The following DIPK1A variants were observed in gnomAD, a reference collection of about 807,000 sequenced individuals.
DIPK1A encodes the protein family with sequence similarity 69 member A.
DIPK1A carries 27 observed loss-of-function variants against 40.8 expected under a neutral mutation model. That is an observed-to-expected ratio of 0.66 (90% CI 0.49 to 0.91). The LOEUF is 0.91. DIPK1A is among the 40% of genes least tolerant of loss of function. DIPK1A has a pLI of 0.00. For synonymous variants in DIPK1A, 166 were observed against 171.3 expected, an observed-to-expected ratio of 0.97 and a Z score of 0.24; for missense variants, 412 against 505.7, an observed-to-expected ratio of 0.81 and a Z score of 1.78.
In DIPK1A at chr1:92,842,479, A is replaced by G. The variant is rs1303797571; in HGVS notation, c.*904T>C. The G allele has an allele frequency of 6.5e-6, 6 of 917,204 alleles. No individual in the cohort carries two copies. Among genetic ancestry groups the G allele is most frequent in the Non-Finnish European group, 7.6e-6 (6 of 793,200 alleles). 56.8% of individuals were successfully genotyped at this position (917,204 alleles called of 1,614,324 possible). A position where few individuals can be genotyped will look rare whatever the true frequency, so the allele number is the denominator to read the frequency against. On this transcript the variant is annotated 3_prime_UTR_variant, in exon 5 of 5. Coordinates refer to ENST00000370310, the MANE Select transcript of DIPK1A (RefSeq NM_001006605.5). ...CCTTGTATATCAAGTTTACATGGGG[A>G]AAAAAACATTAGATAAATAAATACA... is the stretch of plus-strand genomic sequence containing the variant.
At chr1:92,889,023 T>G (rs1262040803) in intron 1 of DIPK1A, among the ~76,000 whole-genome samples, 1 of 152,190 alleles carries the variant, frequency 6.6e-6, no homozygotes, top group Non-Finnish European at 1.5e-5. Flanking sequence ...TTGTTTGATA[T>G]AATCCCATTT....
At chr1:92,944,853 G>C (rs1651302251) in intron 1 of DIPK1A, among the ~76,000 whole-genome samples, 1 of 152,028 alleles carries the variant, frequency 6.6e-6, no homozygotes, top group Non-Finnish European at 1.5e-5. Flanking sequence ...CCACAGGCTG[G>C]CTGAAACTCC....
chr1:92,932,012 C>A, intron 1 of DIPK1A: 2 of 527,674 alleles, frequency 3.8e-6, no homozygotes, highest in Non-Finnish European at 3.5e-6. Context: ...AAATCTTGGG[C>A]CAAAAGAAAA....
intron 1 of DIPK1A, among the ~76,000 whole-genome samples, chr1:92,907,155 A>T (rs1161535813): frequency 2.0e-5 from 3 of 152,190 alleles, no homozygotes; most frequent in Non-Finnish European, 4.4e-5. Flanking sequence ...CCATAATGCT[A>T]AGTAAAAATT....
chr1:92,949,157 C>T lies in DIPK1A; in HGVS notation c.54+12219G>A, dbSNP rs191673232. ...CATTCTTCTTACCCACTTCTCTACC[C>T]TCCCACTCCCACCCCCAAAATTAGA... On this transcript the variant is annotated intron_variant, in intron 1 of 4. Coordinates refer to ENST00000370310, the MANE Select transcript of DIPK1A (RefSeq NM_001006605.5). Among the ~76,000 whole-genome samples the T allele has an allele frequency of 1.3e-4, 20 of 152,126 alleles. No individual in the cohort carries two copies. The East Asian group carries it at 3.7e-3, about 28-fold the overall frequency.
intron 2 of DIPK1A, among the ~76,000 whole-genome samples, chr1:92,869,152 C>CTATTAT (rs10688368): frequency 0.06 from 8,728 of 146,170 alleles, 390 homozygotes; most frequent in African/African-American, 0.12. Context: ...AAATATTACA[C>CTATTAT]TATTATTATT....
chr1:92,853,945 G>A (rs1452674817), intron 2 of DIPK1A, among the ~76,000 whole-genome samples: 2 of 152,108 alleles, frequency 1.3e-5, no homozygotes, highest in Non-Finnish European at 2.9e-5. Flanking sequence ...GGAGTGCAAT[G>A]GCACAATCAT....
intron 1 of DIPK1A, among the ~76,000 whole-genome samples, chr1:92,888,181 T>G (rs1648700100): frequency 6.6e-6 from 1 of 152,078 alleles, no homozygotes. Context: ...CCTTGGTTAT[T>G]GCCCTCCTCC....
rs563498374 is a variant in DIPK1A, at chr1:92,901,910, C to T, written c.55-25480G>A. Among the ~76,000 whole-genome samples the T allele has an allele frequency of 2.8e-4, 43 of 152,246 alleles. 1 individual carries two copies. Among genetic ancestry groups the T allele is most frequent in the African/African-American group, 1.0e-3 (42 of 41,526 alleles). ...TATAAGGTGGGATGTCTCAGCTCAG[C>T]CACTGCTCTGTTTCCCTAGGACACA... On this transcript the variant is annotated intron_variant, in intron 1 of 4. Transcript: ENST00000370310.
At chr1:92,949,738 C>T (rs980538734) in intron 1 of DIPK1A, among the ~76,000 whole-genome samples, 2 of 152,078 alleles carry the variant, frequency 1.3e-5, no homozygotes, top group African/African-American at 4.8e-5. Context: ...AAGCTAGGGG[C>T]AGGATGAAGT....
intron 1 of DIPK1A, among the ~76,000 whole-genome samples, chr1:92,886,819 G>C (rs1035451290): frequency 1.3e-5 from 2 of 151,772 alleles, no homozygotes; most frequent in Non-Finnish European, 2.9e-5. Flanking sequence ...CCAGTCTGCT[G>C]CTTGGTTTTA....
intron 2 of DIPK1A, among the ~76,000 whole-genome samples, chr1:92,853,779 G>A (rs1687897257): frequency 1.3e-5 from 2 of 152,180 alleles, no homozygotes; most frequent in Admixed American, 1.3e-4. Context: ...GATTAGAGAA[G>A]GAATTTCAGC....
intron 1 of DIPK1A, among the ~76,000 whole-genome samples, chr1:92,945,462 C>G (rs1398144151): frequency 6.6e-6 from 1 of 152,162 alleles, no homozygotes; most frequent in East Asian, 1.9e-4. Context: ...CTGGCCCCAG[C>G]AAGAAGAAAA....
In DIPK1A at chr1:92,844,084, C is replaced by T; in HGVS notation, c.586G>A (p.Ala196Thr). 6.4e-7 allele frequency: 1 copy of T among 1,551,850 alleles called. No homozygotes were observed. Among genetic ancestry groups the T allele is most frequent in the Non-Finnish European group, 8.7e-7 (1 of 1,147,008 alleles). ...VSLGEAKSAW[A>T]LLQLNEFLLM... The stretch of plus-strand genomic sequence containing the variant: ...AGAAATTCATTCAGTTGAAGAAGTG[C>T]CCATGCCGACTTTGCTTCTCCCAAG... Residue 196 changes from alanine (A) to threonine (T), a missense_variant, in exon 5 of 5, where the codon GCA becomes ACA. Coordinates refer to ENST00000370310, the MANE Select transcript of DIPK1A (RefSeq NM_001006605.5).
At chr1:92,887,607 T>C (rs778735144) in intron 1 of DIPK1A, among the ~76,000 whole-genome samples, 8 of 152,148 alleles carry the variant, frequency 5.3e-5, no homozygotes, top group Non-Finnish European at 1.2e-4. Context: ...CCTAGAATAG[T>C]GGAACTCCAG....
chr1:92,952,772 TA>T (rs1207071484), intron 1 of DIPK1A, among the ~76,000 whole-genome samples: 5 of 151,738 alleles, frequency 3.3e-5, no homozygotes, highest in East Asian at 1.9e-4. Context: ...GGCTTTTTTT[TA>T]AAAAAAAATA....
At position 92,842,743 on chromosome 1, in the gene DIPK1A, C is replaced by A. The variant is rs1473334799; in HGVS notation, c.*640G>T. ...CCTTTGAATCTTTAGGAAAGTTCAT[C>A]CATTTTTAGTCAATAAAATTGGTGT... is the stretch of plus-strand genomic sequence containing the variant. On this transcript the variant is annotated 3_prime_UTR_variant, in exon 5 of 5. Coordinates refer to ENST00000370310, the MANE Select transcript of DIPK1A (RefSeq NM_001006605.5). 1.0e-6 allele frequency: 1 copy of A among 985,354 alleles called. No homozygotes were observed. The highest frequency in any genetic ancestry group is 1.2e-6 in the Non-Finnish European group (1 of 829,906). 61.0% of individuals were successfully genotyped at this position (985,354 alleles called of 1,614,324 possible).
intron 1 of DIPK1A, among the ~76,000 whole-genome samples, chr1:92,942,483 A>G (rs939922972): frequency 6.6e-5 from 10 of 152,136 alleles, no homozygotes; most frequent in African/African-American, 2.4e-4. Flanking sequence ...CACAAAATTG[A>G]TTCTAATTTA....
intron 4 of DIPK1A, among the ~76,000 whole-genome samples, chr1:92,845,330 A>G (rs191149407): frequency 8.9e-6 from 1 of 112,286 alleles, no homozygotes; most frequent in African/African-American, 3.6e-5. Flanking sequence ...AAGAACTGCT[A>G]TGCTTTTTTT....
Sources: gnomAD v4.1 joint callset for allele counts (sites outside exome capture counted in the v4.1 genomes callset) on GRCh38, gnomAD v4.1.1 for gene constraint, MANE v1.5 for transcripts, NCBI Gene and HGNC (gene_info 2026-07-23, HGNC 2026-07-21) for gene names.